Variants in TNRC6A observed in about 807,000 individuals in gnomAD.
The protein encoded by TNRC6A is trinucleotide repeat-containing gene 6A protein.
Under a neutral mutation model 221.2 loss-of-function variants are expected in TNRC6A, and 44 were observed. The observed-to-expected ratio is 0.20, with a 90% CI of 0.16 to 0.26. TNRC6A has a LOEUF of 0.26. Ranked by LOEUF, TNRC6A falls within the 10% of genes least tolerant of loss-of-function variation. TNRC6A has a pLI of 1.00. For synonymous variants in TNRC6A, 847 were observed against 838.5 expected (o/e 1.01, Z -0.18); for missense variants, 2,199 against 2,404.4 (o/e 0.91, Z 1.79).
At chr16:24,756,254 G>A (rs2057247907) in intron 3 of TNRC6A, among the ~76,000 whole-genome samples, 2 of 152,096 alleles carry the variant, frequency 1.3e-5, no homozygotes, top group African/African-American at 4.8e-5. Flanking sequence ...GTCAGTGGTC[G>A]GTAGCCACAT....
rs751888038 is a variant in TNRC6A at position 24,758,332 on chromosome 16, A to G, written c.142-7A>G. 1.2e-6 allele frequency: 2 copies of G among 1,607,370 alleles called. No homozygotes were observed. The highest frequency in any genetic ancestry group is 2.7e-5 in the African/African-American group (2 of 74,634). The stretch of plus-strand genomic sequence containing the variant: ...CATTGTTTTTTGTTTGTTTGTTTTT[A>G]TTTTAGGCCACTGAACAAAAAATCA... On this transcript the variant is annotated splice_polypyrimidine_tract_variant and splice_region_variant and intron_variant, in intron 3 of 24. Coordinates refer to ENST00000395799, the MANE Select transcript of TNRC6A (RefSeq NM_014494.4).
chr16:24,611,583 G>A (rs574001685), intron 1 of TNRC6A, among the ~76,000 whole-genome samples: 7 of 152,168 alleles, frequency 4.6e-5, no homozygotes, highest in Admixed American at 2.0e-4. Flanking sequence ...GGATGCGCTC[G>A]GGCATCGAGA....
Position 24,822,987 on chromosome 16 carries a change from A to G in TNRC6A, c.5487A>G (p.Val1829=). 1 of 1,614,234 alleles carries G rather than the reference A, an allele frequency of 6.2e-7. No homozygotes were observed. Among genetic ancestry groups the G allele is most frequent in the Non-Finnish European group, 8.5e-7 (1 of 1,180,036 alleles). ...TCCGCTACAGTTCAAAAGAAGAGGT[A>G]GTGAAGGCACAAAAGTCTCTGCACA... ...ALVRYSSKEE[V]VKAQKSLHMC... The change falls in exon 24 of 25, where the codon GTA becomes GTG. Residue 1829 remains valine (V), a synonymous_variant. Transcript: ENST00000395799.
intron 2 of TNRC6A, among the ~76,000 whole-genome samples, chr16:24,699,840 T>C (rs1472029050): frequency 6.6e-6 from 1 of 151,950 alleles, no homozygotes; most frequent in Non-Finnish European, 1.5e-5. Flanking sequence ...CCCTGAGGAC[T>C]TGAGGGGTAA....
chr16:24,702,795 G>A (rs1371953024), intron 2 of TNRC6A, among the ~76,000 whole-genome samples: 1 of 151,974 alleles, frequency 6.6e-6, no homozygotes, highest in African/African-American at 2.4e-5. Flanking sequence ...CAGCACTTTG[G>A]GAGGCTGAGG....
intron 20 of TNRC6A, among the ~76,000 whole-genome samples, chr16:24,817,651 A>C (rs139786162): frequency 1.1e-4 from 17 of 152,286 alleles, no homozygotes; most frequent in Admixed American, 1.1e-3. Flanking sequence ...TAACGAAATT[A>C]ATTTTTTAAA....
chr16:24,673,182 T>G (rs1038324527), intron 2 of TNRC6A, among the ~76,000 whole-genome samples: 2 of 152,082 alleles, frequency 1.3e-5, no homozygotes, highest in Admixed American at 6.6e-5. Flanking sequence ...TCTACAAAAA[T>G]TTTTTAAAAA....
At chr16:24,766,882 G>A (rs1389791837) in intron 4 of TNRC6A, among the ~76,000 whole-genome samples, 1 of 151,968 alleles carries the variant, frequency 6.6e-6, no homozygotes, top group Non-Finnish European at 1.5e-5. Context: ...TCACTGTGTT[G>A]ACCAGGCTGG....
At chr16:24,798,189 C>G (rs975488685) in intron 11 of TNRC6A, 32 of 361,430 alleles carry the variant, frequency 8.9e-5, no homozygotes, top group Admixed American at 3.2e-4. Context: ...ATAATCCTGC[C>G]AAGAGGGAGT....
chr16:24,664,947 C>T (rs1335157673), intron 2 of TNRC6A: 8 of 456,086 alleles, frequency 1.8e-5, no homozygotes, highest in South Asian at 3.1e-5. Flanking sequence ...AAGTAAGGCA[C>T]GAGGCTCCAC....
chr16:24,677,613 T>C lies in TNRC6A; in HGVS notation n.402+36604T>C, dbSNP rs1192592128. Among the ~76,000 whole-genome samples the C allele has an allele frequency of 2.0e-5, 3 of 152,194 alleles. No homozygotes were observed. The South Asian group carries it at 6.2e-4, about 31-fold the overall frequency. ...CCATGTGAGTCTCCCTGTGAAACAG[T>C]GCGTGAATTACATAGCAACTGTCTT... is the stretch of plus-strand genomic sequence containing the variant. On this transcript the variant is annotated intron_variant and non_coding_transcript_variant, in intron 2 of 2. Coordinates refer to the TNRC6A transcript ENST00000566108.
chr16:24,812,298 T>C (rs12599173), intron 18 of TNRC6A, among the ~76,000 whole-genome samples: 51,687 of 151,908 alleles, frequency 0.34, 9,348 homozygotes, highest in East Asian at 0.46. Context: ...GTGATCTGCC[T>C]GCCTCAGCCT....
intron 3 of TNRC6A, among the ~76,000 whole-genome samples, chr16:24,752,368 A>AG (rs925833811): frequency 2.6e-5 from 4 of 152,210 alleles, no homozygotes; most frequent in Non-Finnish European, 4.4e-5. Context: ...TCCTGAGCCT[A>AG]GGGGTGTCAT....
At chr16:24,822,264 C>A in intron 23 of TNRC6A, 117 bp downstream of exon 23, 2 of 982,600 alleles carry the variant, frequency 2.0e-6, no homozygotes, top group Non-Finnish European at 3.1e-6. Context: ...GCAGAGGAAA[C>A]AGCAGAGGAG....
chr16:24,627,255 A>T (rs1202095184), intron 1 of TNRC6A, among the ~76,000 whole-genome samples: 1 of 151,922 alleles, frequency 6.6e-6, no homozygotes, highest in African/African-American at 2.4e-5. Flanking sequence ...CTCCTCCCCT[A>T]CATCAGCCTC....
chr16:24,691,482 G>GA (rs2055755053), intron 2 of TNRC6A, among the ~76,000 whole-genome samples: 1 of 152,094 alleles, frequency 6.6e-6, no homozygotes, highest in South Asian at 2.1e-4. Flanking sequence ...GAAAGGGGCT[G>GA]AAAGGGCCAG....
At chr16:24,666,902 G>C (rs749870058) in intron 2 of TNRC6A, among the ~76,000 whole-genome samples, 3 of 151,416 alleles carry the variant, frequency 2.0e-5, no homozygotes, top group Non-Finnish European at 4.4e-5. Flanking sequence ...GATCATTTGG[G>C]ATCAGGAGTT....
intron 2 of TNRC6A, among the ~76,000 whole-genome samples, chr16:24,716,769 C>T (rs992409470): frequency 5.9e-5 from 9 of 151,360 alleles, no homozygotes; most frequent in African/African-American, 2.2e-4. Flanking sequence ...ACCATCCTGG[C>T]CAACATGGTG....
Position 24,790,438 on chromosome 16 carries a change from G to A in TNRC6A, c.1796G>A (p.Arg599Lys). The change falls in exon 6 of 25, where the codon AGA (arginine) becomes AAA (lysine). Residue 599 changes from arginine to lysine, a missense_variant. By Grantham distance (26) the Arg-to-Lys change is conservative. This residue lies in a region of TNRC6A where 1,405 missense variants were observed against 1,400.2 expected (regional missense o/e 1.00). Coordinates refer to ENST00000395799, the MANE Select transcript of TNRC6A (RefSeq NM_014494.4). ...GGCGCAAATTCTGGAGGAAGTCGAA[G>A]AGGATGGGGAACCCCTGCACAAAAC... is the stretch of plus-strand genomic sequence containing the variant. ...GNGANSGGSR[R>K]GWGTPAQNTG... 6.2e-7 allele frequency: 1 copy of A among 1,614,248 alleles called. No homozygotes were observed. Among genetic ancestry groups the A allele is most frequent in the Non-Finnish European group, 8.5e-7 (1 of 1,180,044 alleles).
Sources: allele counts gnomAD v4.1 joint callset (sites outside exome capture counted in the v4.1 genomes callset), GRCh38; gene constraint gnomAD v4.1.1; regional missense constraint gnomAD v4.1.1; transcripts MANE v1.5; gene names NCBI Gene and HGNC (gene_info 2026-07-23, HGNC 2026-07-21).